The following TMEM165 variants were observed in gnomAD, a reference collection of about 807,000 sequenced individuals.
The protein encoded by TMEM165 is putative divalent cation/proton antiporter TMEM165.
In TMEM165, 19 loss-of-function variants were observed where a neutral mutation model predicts 30.0. The observed-to-expected ratio is 0.63, with a 90% CI of 0.44 to 0.93. The LOEUF (loss-of-function observed/expected upper bound fraction) is 0.93. Among genes scored for constraint, TMEM165 ranks in the 40% least tolerant of loss-of-function variants. The probability of loss-of-function intolerance (pLI) is 0.00; values close to 1 mark genes in which losing one functional copy is unlikely to be tolerated. For synonymous variants in TMEM165, 168 were observed against 162.9 expected, an observed-to-expected ratio of 1.03 and a Z score of -0.24; for missense variants, 340 against 417.0, an observed-to-expected ratio of 0.82 and a Z score of 1.61.
rs71194559 is a variant in TMEM165 at position 55,421,166 on chromosome 4, C to CAA, written c.792+3202_792+3203dup. On this transcript the variant is annotated intron_variant, in intron 4 of 5. Transcript: ENST00000381334. ...TGGTCGACAGAGCTAGATTCCATCT[C>CAA]AAAAAAAAAAAAAAAAAAAAAAGAC... is the stretch of plus-strand genomic sequence containing the variant. Among the ~76,000 whole-genome samples the CAA allele has an allele frequency of 4.9e-3, 407 of 83,178 alleles. 10 individuals carry two copies. Among genetic ancestry groups the CAA allele is most frequent in the African/African-American group, 0.012 (248 of 20,390 alleles). 54.6% of individuals were successfully genotyped at this position (83,178 alleles called of 152,430 possible).
downstream of TMEM165, among the ~76,000 whole-genome samples, chr4:55,427,039 T>G (rs1722237818): frequency 2.0e-5 from 1 of 49,834 alleles, no homozygotes; most frequent in African/African-American, 6.7e-5. Context: ...CACTAGTATT[T>G]TTTTTTTTTT....
intron 3 of TMEM165, among the ~76,000 whole-genome samples, chr4:55,448,425 A>G (rs1366817667): frequency 2.0e-5 from 3 of 152,156 alleles, no homozygotes; most frequent in African/African-American, 4.8e-5. Context: ...TTTGTTGTGC[A>G]AGACTCTTAT....
chr4:55,426,624 T>G (rs778316704), downstream of TMEM165, among the ~76,000 whole-genome samples: 1 of 152,204 alleles, frequency 6.6e-6, no homozygotes, highest in African/African-American at 2.4e-5. Flanking sequence ...TGAAGGACAA[T>G]TCTACAGAAA....
chr4:55,435,169 A>G (rs1382604698), intron 3 of TMEM165: 1 of 523,420 alleles, frequency 1.9e-6, no homozygotes, highest in African/African-American at 1.9e-5. Flanking sequence ...ATCAAAAAAT[A>G]TCCAGGCACC....
At chr4:55,442,980 C>T (rs1415054395) in intron 3 of TMEM165, among the ~76,000 whole-genome samples, 1 of 152,090 alleles carries the variant, frequency 6.6e-6, no homozygotes, top group Non-Finnish European at 1.5e-5. Context: ...TTTACAGTCA[C>T]AGATCTACAG....
At chr4:55,405,640 C>T (rs144734323) in intron 1 of TMEM165, among the ~76,000 whole-genome samples, 29 of 152,310 alleles carry the variant, frequency 1.9e-4, no homozygotes, top group African/African-American at 5.5e-4. Context: ...CCCCCCATCC[C>T]GCCTACCTTT....
intron 3 of TMEM165, chr4:55,435,063 C>T (rs1722774279): frequency 6.0e-6 from 2 of 335,476 alleles, no homozygotes; most frequent in Non-Finnish European, 1.2e-5. Context: ...AGGCACAGAA[C>T]CACTAAAAGT....
chr4:55,431,388 AAT>A (rs1156967358), intron 3 of TMEM165: 1 of 152,216 alleles, frequency 6.6e-6, no homozygotes, highest in Non-Finnish European at 1.5e-5. Context: ...ATACTATAAA[AAT>A]AGTCGATTCT....
intron 5 of TMEM165, 116 bp downstream of exon 5, chr4:55,424,759 C>A (rs1722122920): frequency 1.5e-6 from 1 of 684,596 alleles, no homozygotes; most frequent in Non-Finnish European, 2.5e-6. Context: ...TTTCTAATTA[C>A]CTACCATCTC....
At chr4:55,407,008 A>G (rs1001667086) in intron 1 of TMEM165, among the ~76,000 whole-genome samples, 3 of 152,214 alleles carry the variant, frequency 2.0e-5, no homozygotes, top group African/African-American at 7.2e-5. Flanking sequence ...ACATTTATAC[A>G]TATTTGTAAT....
Position 55,425,469 on chromosome 4 carries a change from C to A in TMEM165, c.*17C>A. Reference sequence around the variant, plus strand: ...GGTTTTTAACAAGCTGTTTGTTCATCTATATTTAGTTTAAAATAGGTAGTA... The same window carrying A: ...GGTTTTTAACAAGCTGTTTGTTCATATATATTTAGTTTAAAATAGGTAGTA... On this transcript the variant is annotated 3_prime_UTR_variant, in exon 6 of 6. Coordinates refer to ENST00000381334, the MANE Select transcript of TMEM165 (RefSeq NM_018475.5). 1 of 1,587,184 alleles carries A rather than the reference C, an allele frequency of 6.3e-7. No individual in the cohort carries two copies. The highest frequency in any genetic ancestry group is 1.1e-5 in the South Asian group (1 of 90,002).
At chr4:55,430,700 A>C (rs1197478581), downstream of TMEM165, 1 of 152,208 alleles carries the variant, frequency 6.6e-6, no homozygotes, top group African/African-American at 2.4e-5. Flanking sequence ...AACACTCAGA[A>C]TAATTCTTGA....
chr4:55,403,166 CT>C, intron 1 of TMEM165: 1 of 993,982 alleles, frequency 1.0e-6, no homozygotes, highest in African/African-American at 1.8e-5. Context: ...CTTCTGACTC[CT>C]TTGTCTTCAG....
At chr4:55,448,717 C>T in intron 3 of TMEM165, 1 of 1,338,728 alleles carries the variant, frequency 7.5e-7, no homozygotes, top group Admixed American at 1.8e-5. Flanking sequence ...AAAAAAATTA[C>T]ATTAGCTTAA....
chr4:55,420,415 G>A (rs1721927732), intron 4 of TMEM165, among the ~76,000 whole-genome samples: 1 of 151,512 alleles, frequency 6.6e-6, no homozygotes, highest in Non-Finnish European at 1.5e-5. Context: ...AGTATGGCAC[G>A]TGCTGACTGG....
chr4:55,440,966 AAAAACAAAAC>A (rs751491580), intron 3 of TMEM165, among the ~76,000 whole-genome samples: 2 of 151,922 alleles, frequency 1.3e-5, no homozygotes, highest in African/African-American at 4.8e-5. Flanking sequence ...AACTGCTTAC[AAAAACAAAAC>A]AAAACAAAAC....
intron 3 of TMEM165, among the ~76,000 whole-genome samples, chr4:55,448,583 T>TGCGCGC (rs1016031959): frequency 4.7e-5 from 5 of 105,998 alleles, no homozygotes; most frequent in Admixed American, 2.3e-4. Flanking sequence ...ATTATATATG[T>TGCGCGC]GCGCGCGCGC....
Position 55,447,738 on chromosome 4 carries a change from CTTAAA to C in TMEM165, c.409-4494_409-4490del, listed in dbSNP as rs563282289. On this transcript the variant is annotated intron_variant, in intron 3 of 3. Transcript: ENST00000608091. The stretch of plus-strand genomic sequence containing the variant: ...TGTATCTCCTATCATATATGTATGA[CTTAAA>C]TTAAATAACCATATAAGATGGAGCT... Among the ~76,000 whole-genome samples the C allele has an allele frequency of 4.0e-3, 603 of 152,176 alleles. 3 individuals are homozygous for C. The highest frequency in any genetic ancestry group is 0.014 in the African/African-American group (569 of 41,524).
intron 1 of TMEM165, among the ~76,000 whole-genome samples, chr4:55,396,895 G>T (rs567036038): frequency 6.6e-6 from 1 of 152,250 alleles, no homozygotes; most frequent in East Asian, 1.9e-4. Context: ...TTTTAAAAAT[G>T]TGCTTTGGCT....
Sources: gnomAD v4.1 joint callset for allele counts (sites outside exome capture counted in the v4.1 genomes callset) on GRCh38, gnomAD v4.1.1 for gene constraint, MANE v1.5 for transcripts, NCBI Gene and HGNC (gene_info 2026-07-23, HGNC 2026-07-21) for gene names.